The following CELF6 variants were observed in gnomAD, a reference collection of about 807,000 sequenced individuals.
CELF6 encodes the protein CUGBP Elav-like family member 6, also known as Bruno -like 6, RNA binding protein.
CELF6 carries 32 observed loss-of-function variants against 53.1 expected under a neutral mutation model. The observed-to-expected ratio is 0.60, with a 90% CI of 0.46 to 0.81. The LOEUF is 0.81. Among genes scored for constraint, CELF6 ranks in the 30% least tolerant of loss-of-function variants. The pLI, the probability that CELF6 is intolerant of heterozygous loss-of-function variation, is 0.00. For missense variants in CELF6, 539 were observed against 669.5 expected, an observed-to-expected ratio of 0.81 and a Z score of 2.15; for synonymous variants, 291 against 288.8, an observed-to-expected ratio of 1.01 and a Z score of -0.08.
In CELF6 at chr15:72,289,784, G is replaced by C. The variant is rs1441064140; in HGVS notation, c.604-14C>G. ...GGACGAGGCGCCCTGGGCAGGGCAGGGGAGGCCGTGGTGACCGGTCCTGAC... is the reference window on the plus strand; with the variant it reads ...GGACGAGGCGCCCTGGGCAGGGCAGCGGAGGCCGTGGTGACCGGTCCTGAC... On this transcript the variant is annotated splice_polypyrimidine_tract_variant and intron_variant, in intron 5 of 12. Coordinates refer to ENST00000287202, the MANE Select transcript of CELF6 (RefSeq NM_052840.5). This position sits in a 1 kb window ranked among gnomAD's most constrained non-coding sequence, Gnocchi z 7.6. 4.8e-6 allele frequency: 7 copies of C among 1,451,222 alleles called. No individual in the cohort carries two copies. Among genetic ancestry groups the C allele is most frequent in the Non-Finnish European group, 6.3e-6 (7 of 1,107,310 alleles). 89.9% of individuals were successfully genotyped at this position (1,451,222 alleles called of 1,614,324 possible).
intron 11 of CELF6, among the ~76,000 whole-genome samples, chr15:72,287,661 C>T (rs1408302546): frequency 6.6e-6 from 1 of 152,186 alleles, no homozygotes; most frequent in Non-Finnish European, 1.5e-5. Context: ...CATGGGTTGG[C>T]TTTCTCCCTC....
chr15:72,300,371 A>G (rs2088136837), intron 3 of CELF6, among the ~76,000 whole-genome samples: 1 of 151,978 alleles, frequency 6.6e-6, no homozygotes, highest in South Asian at 2.1e-4. Flanking sequence ...TAAAAAAAAA[A>G]AAAAAAGTAA....
At chr15:72,293,903 A>G (rs1481364919) in intron 3 of CELF6, among the ~76,000 whole-genome samples, 1 of 152,058 alleles carries the variant, frequency 6.6e-6, no homozygotes, top group East Asian at 1.9e-4. Flanking sequence ...CGTGTTGGCC[A>G]TGCTGGTCTC....
chr15:72,292,235 G>A, intron 3 of CELF6: 1 of 1,535,238 alleles, frequency 6.5e-7, no homozygotes, highest in African/African-American at 1.4e-5. Context: ...TGTTGTTTGA[G>A]GGGGGATCTG....
Position 72,288,667 on chromosome 15 carries a change from A to C in CELF6, c.1094-49T>G. On this transcript the variant is annotated intron_variant, in intron 9 of 12. Coordinates refer to ENST00000287202, the MANE Select transcript of CELF6 (RefSeq NM_052840.5). This position sits in a 1 kb window ranked among gnomAD's most constrained non-coding sequence, Gnocchi z 4.6. ...CAGTGATCCCCAGGAGCCCTTCCCC[A>C]AGCAGGGCCCCAACTGCCTGGCCGC... is the stretch of plus-strand genomic sequence containing the variant. 6.6e-7 allele frequency: 1 copy of C among 1,523,660 alleles called. No homozygotes were observed. The highest frequency in any genetic ancestry group is 1.3e-5 in the South Asian group (1 of 79,370). The allele number at this position is 1,523,660 out of a possible 1,614,324, so 94.4% of individuals were successfully genotyped here.
chr15:72,303,368 TG>T (rs1217088084), intron 3 of CELF6, among the ~76,000 whole-genome samples: 2 of 152,044 alleles, frequency 1.3e-5, no homozygotes, highest in Non-Finnish European at 2.9e-5. Flanking sequence ...CAAGACAAGG[TG>T]AAGGTGATAA....
intron 2 of CELF6, among the ~76,000 whole-genome samples, chr15:72,308,220 T>TG (rs977740486): frequency 2.1e-5 from 3 of 144,422 alleles, no homozygotes; most frequent in African/African-American, 8.8e-5. Flanking sequence ...AAAAAGTTAT[T>TG]GTTTTTTTTT....
chr15:72,306,136 C>T (rs1237474737), intron 2 of CELF6: 3 of 982,964 alleles, frequency 3.1e-6, no homozygotes, highest in Middle Eastern at 5.2e-4. Flanking sequence ...GAATCCCCAT[C>T]TCACCTTCCT....
intron 2 of CELF6, among the ~76,000 whole-genome samples, chr15:72,307,856 C>A (rs1426058163): frequency 2.0e-5 from 3 of 152,176 alleles, no homozygotes; most frequent in Non-Finnish European, 4.4e-5. Flanking sequence ...TTGACCTGAG[C>A]CTTGCAGGAC....
chr15:72,312,397 C>T (rs1344344439), intron 2 of CELF6, among the ~76,000 whole-genome samples: 3 of 152,082 alleles, frequency 2.0e-5, no homozygotes, highest in Non-Finnish European at 2.9e-5. Context: ...GAGGCTGAAG[C>T]GGGCAGATCA....
At chr15:72,312,407 A>T (rs867018146) in intron 2 of CELF6, among the ~76,000 whole-genome samples, 20 of 152,164 alleles carry the variant, frequency 1.3e-4, no homozygotes, top group African/African-American at 4.1e-4. Context: ...CGGGCAGATC[A>T]CTTGAAGTCA....
intron 11 of CELF6, 114 bp from the exon 12 acceptor site, chr15:72,287,506 A>C (rs1595773019): frequency 2.7e-6 from 3 of 1,127,000 alleles, no homozygotes; most frequent in Non-Finnish European, 3.8e-6. Flanking sequence ...TCAAACACAT[A>C]CCCCTCCACT....
At chr15:72,302,861 G>A (rs1420587721) in intron 3 of CELF6, among the ~76,000 whole-genome samples, 1 of 152,092 alleles carries the variant, frequency 6.6e-6, no homozygotes, top group Non-Finnish European at 1.5e-5. Flanking sequence ...ACTCCTCTGG[G>A]AACCCACTTT....
intron 3 of CELF6, among the ~76,000 whole-genome samples, chr15:72,301,136 T>G (rs974542531): frequency 6.6e-6 from 1 of 151,886 alleles, no homozygotes; most frequent in Non-Finnish European, 1.5e-5. Context: ...GGACTAAAGA[T>G]GTATGCCACC....
intron 2 of CELF6, among the ~76,000 whole-genome samples, chr15:72,306,900 C>T (rs1344234606): frequency 6.6e-6 from 1 of 151,956 alleles, no homozygotes; most frequent in East Asian, 1.9e-4. Context: ...GAAACACTGG[C>T]AGACAGAAAT....
At chr15:72,287,458 C>T (rs763919037) in intron 11 of CELF6, 66 bp from the exon 12 acceptor site, 174 of 1,584,020 alleles carry the variant, frequency 1.1e-4, no homozygotes, top group South Asian at 2.4e-4. Context: ...TCTCTCTGAC[C>T]AGCCCCCTCC....
In CELF6 at chr15:72,289,013, G is replaced by T; in HGVS notation, c.1031-83C>A. 2 of 1,365,324 alleles carry T rather than the reference G, an allele frequency of 1.5e-6. No individual in the cohort carries two copies. The highest frequency in any genetic ancestry group is 2.0e-6 in the Non-Finnish European group (2 of 994,736). The allele number at this position is 1,365,324 out of a possible 1,614,324, so 84.6% of individuals were successfully genotyped here. A position where few individuals can be genotyped will look rare whatever the true frequency, so the allele number is the denominator to read the frequency against. On this transcript the variant is annotated intron_variant, in intron 8 of 12. Coordinates refer to ENST00000287202, the MANE Select transcript of CELF6 (RefSeq NM_052840.5). The surrounding 1 kb of genome is among the most constrained non-coding windows in gnomAD (Gnocchi z 7.6). The stretch of plus-strand genomic sequence containing the variant: ...GAGAAGCTCAGGGAGTGTGGGAGGT[G>T]GACGGCGGCTGTGAGAGACAGCAGG...
chr15:72,303,890 C>T (rs2088190282), intron 3 of CELF6, among the ~76,000 whole-genome samples: 1 of 152,126 alleles, frequency 6.6e-6, no homozygotes, highest in Admixed American at 6.6e-5. Flanking sequence ...CAGAGTCATG[C>T]TCTGTTGCCC....
At chr15:72,297,773 A>G (rs1296821456) in intron 3 of CELF6, among the ~76,000 whole-genome samples, 1 of 152,228 alleles carries the variant, frequency 6.6e-6, no homozygotes, top group Non-Finnish European at 1.5e-5. Flanking sequence ...ATGGATACAG[A>G]GTTACTGTTT....
Sources: allele counts gnomAD v4.1 joint callset (sites outside exome capture counted in the v4.1 genomes callset), GRCh38; gene constraint gnomAD v4.1.1; non-coding constraint Gnocchi (gnomAD v3.1); transcripts MANE v1.5; gene names NCBI Gene and HGNC (gene_info 2026-07-23, HGNC 2026-07-21).